The following TENM3 variants were observed in gnomAD, a reference collection of about 807,000 sequenced individuals.
The protein encoded by TENM3 is teneurin-3.
TENM3 carries 63 observed loss-of-function variants against 255.1 expected under a neutral mutation model. That is an observed-to-expected ratio of 0.25 (90% CI 0.20 to 0.30). The LOEUF is 0.30. Ranked by LOEUF, TENM3 falls within the 10% of genes least tolerant of loss-of-function variation. The pLI is 1.00. For synonymous variants in TENM3, 1,306 were observed against 1,322.3 expected (o/e 0.99, Z 0.27); for missense variants, 2,929 against 3,461.1 (o/e 0.85, Z 3.86).
the TENM3 span, among the ~76,000 whole-genome samples, chr4:181,633,913 T>C: frequency 2.0e-5 from 3 of 152,214 alleles, no homozygotes; most frequent in African/African-American, 7.2e-5. Flanking sequence ...CAATATGCCA[T>C]TTTTTATTTA....
At chr4:182,313,734 C>T (rs1386188016) in intron 1 of TENM3, among the ~76,000 whole-genome samples, 1 of 152,170 alleles carries the variant, frequency 6.6e-6, no homozygotes, top group Non-Finnish European at 1.5e-5. Flanking sequence ...CCTGTTTTCT[C>T]TCTCTCAGGA....
At chr4:181,717,887 T>C in the TENM3 span, among the ~76,000 whole-genome samples, 15 of 152,340 alleles carry the variant, frequency 9.8e-5, no homozygotes, top group African/African-American at 3.6e-4. Context: ...AACTTCTTTC[T>C]ATACCTTCGC....
the TENM3 span, among the ~76,000 whole-genome samples, chr4:181,658,272 T>C: frequency 6.6e-6 from 1 of 152,228 alleles, no homozygotes; most frequent in African/African-American, 2.4e-5. Context: ...TCATACTACC[T>C]GTTAAACTAA....
intron 3 of TENM3, among the ~76,000 whole-genome samples, chr4:182,562,494 A>T (rs1002067200): frequency 2.0e-5 from 3 of 151,860 alleles, no homozygotes; most frequent in African/African-American, 7.3e-5. Context: ...CCCTTTCTGA[A>T]CTCTGTTCTT....
the TENM3 span, among the ~76,000 whole-genome samples, chr4:182,067,915 G>C: frequency 6.6e-6 from 1 of 152,024 alleles, no homozygotes; most frequent in Non-Finnish European, 1.5e-5. Flanking sequence ...TCACATTATC[G>C]TGATTTTAGC....
chr4:181,988,988 A>G, the TENM3 span, among the ~76,000 whole-genome samples: 1 of 151,968 alleles, frequency 6.6e-6, no homozygotes, highest in Non-Finnish European at 1.5e-5. Context: ...TCTTTGCCTT[A>G]CCCTCTTTTA....
At chr4:182,361,506 T>C (rs1347041196) in intron 3 of TENM3, among the ~76,000 whole-genome samples, 1 of 152,222 alleles carries the variant, frequency 6.6e-6, no homozygotes, top group Non-Finnish European at 1.5e-5. Flanking sequence ...TTCCAGTTGA[T>C]CGCATCGGCT....
the TENM3 span, among the ~76,000 whole-genome samples, chr4:181,605,564 AAGAAAGAGAG>A: frequency 2.5e-3 from 63 of 25,018 alleles, 5 homozygotes; most frequent in African/African-American, 5.7e-3. Context: ...GAAAGAAAGA[AAGAAAGAGAG>A]AGAAAGAAAG....
chr4:182,747,505 A>C (rs1481710581), intron 19 of TENM3, among the ~76,000 whole-genome samples: 2 of 152,186 alleles, frequency 1.3e-5, no homozygotes, highest in Non-Finnish European at 2.9e-5. Flanking sequence ...AGATGTACCA[A>C]ACATTTCCTT....
intron 3 of TENM3, among the ~76,000 whole-genome samples, chr4:182,520,410 T>C (rs912644725): frequency 5.9e-5 from 9 of 152,198 alleles, no homozygotes; most frequent in African/African-American, 1.9e-4. Flanking sequence ...GACAAGCCCA[T>C]AGATGTGTAT....
At position 182,793,399 on chromosome 4, in the gene TENM3, G is replaced by C. The variant is rs923025179; in HGVS notation, c.6727G>C (p.Gly2243Arg). 6 of 1,613,786 alleles carry C rather than the reference G, an allele frequency of 3.7e-6. No individual in the cohort carries two copies. The highest frequency in any genetic ancestry group is 5.1e-6 in the Non-Finnish European group (6 of 1,179,856). ...GRRVSSKTSL[G>R]QHLQFFYADL... ...GCGTGTTTCTAGCAAAACCAGTCTA[G>C]GACAGCACCTGCAGTTTTTTTATGC... The change falls in exon 26 of 28, where the codon GGA becomes CGA. Residue 2243 changes from glycine to arginine, a missense_variant. Gly to Arg is a moderately radical substitution (Grantham distance 125). Around this residue, in one of 6 missense-constraint regions of TENM3, gnomAD observed 256 missense variants for 389.3 expected, o/e 0.66. Coordinates refer to ENST00000511685, the MANE Select transcript of TENM3 (RefSeq NM_001080477.4). This position sits in a 1 kb window ranked among gnomAD's most constrained non-coding sequence, Gnocchi z 5.7.
At chr4:181,953,512 C>T in the TENM3 span, among the ~76,000 whole-genome samples, 1 of 152,118 alleles carries the variant, frequency 6.6e-6, no homozygotes, top group East Asian at 1.9e-4. Context: ...CAAAACACCA[C>T]CAGCTCATAC....
the TENM3 span, among the ~76,000 whole-genome samples, chr4:181,716,883 G>A: frequency 3.2e-3 from 489 of 152,244 alleles, 4 homozygotes; most frequent in Middle Eastern, 0.014. Flanking sequence ...CCCCACCTCT[G>A]GGTCCGCTCC....
the TENM3 span, among the ~76,000 whole-genome samples, chr4:181,730,074 C>T: frequency 6.6e-6 from 1 of 152,138 alleles, no homozygotes; most frequent in Non-Finnish European, 1.5e-5. Flanking sequence ...GGGTTTTATG[C>T]CTCGCAGGGC....
the TENM3 span, among the ~76,000 whole-genome samples, chr4:181,476,977 T>A: frequency 6.6e-6 from 1 of 152,192 alleles, no homozygotes; most frequent in Non-Finnish European, 1.5e-5. Context: ...CTACAGAGGT[T>A]CCAGCATTAT....
the TENM3 span, among the ~76,000 whole-genome samples, chr4:181,552,808 C>G: frequency 9.2e-5 from 14 of 152,296 alleles, no homozygotes; most frequent in East Asian, 2.5e-3. Context: ...TCGGAGGTCC[C>G]GGAAGTCTTT....
the TENM3 span, among the ~76,000 whole-genome samples, chr4:181,606,745 A>C: frequency 6.6e-6 from 1 of 151,926 alleles, no homozygotes; most frequent in Non-Finnish European, 1.5e-5. Flanking sequence ...CTAGCAAAAG[A>C]AGGAGGAGCT....
chr4:182,350,427 G>C (rs1409764692), intron 3 of TENM3: 1 of 152,202 alleles, frequency 6.6e-6, no homozygotes, highest in African/African-American at 2.4e-5. Context: ...TATTAATCTT[G>C]TTCCAAATGA....
the TENM3 span, among the ~76,000 whole-genome samples, chr4:181,979,095 GACAT>G: frequency 5.5e-5 from 4 of 72,164 alleles, no homozygotes; most frequent in Admixed American, 2.1e-4. Flanking sequence ...CATTAAGCCT[GACAT>G]ATATATATAT....
Sources: gnomAD v4.1 joint callset for allele counts (sites outside exome capture counted in the v4.1 genomes callset) on GRCh38, gnomAD v4.1.1 for gene constraint, gnomAD v4.1.1 regional missense constraint, Gnocchi (gnomAD v3.1) non-coding constraint, MANE v1.5 for transcripts, NCBI Gene and HGNC (gene_info 2026-07-23, HGNC 2026-07-21) for gene names.